The following COL28A1 variants were observed in gnomAD, a reference collection of about 807,000 sequenced individuals.
COL28A1 encodes collagen type XXVIII alpha 1 chain, also known as collagen alpha-1(XXVIII) chain.
Under a neutral mutation model 150.2 loss-of-function variants are expected in COL28A1, and 161 were observed. The observed-to-expected ratio is 1.07, with a 90% confidence interval of 0.94 to 1.22. The LOEUF (loss-of-function observed/expected upper bound fraction) is 1.22, where lower values mean the gene tolerates loss of function less well. Among genes scored for constraint, COL28A1 ranks in the 50% most tolerant of loss-of-function variants. The pLI is 0.00. For synonymous variants in COL28A1, 552 were observed against 469.7 expected (o/e 1.18, Z -2.26); for missense variants, 1,617 against 1,388.3 (o/e 1.16, Z -2.62).
intron 21 of COL28A1, 127 bp downstream of exon 21, chr7:7,440,663 G>A: frequency 3.8e-6 from 2 of 522,434 alleles, no homozygotes; most frequent in South Asian, 4.0e-5. Flanking sequence ...TCTTATTTTG[G>A]GGTATTTGTT....
Position 7,466,055 on chromosome 7 carries a change from C to G in COL28A1, c.1302+8546G>C, listed in dbSNP as rs551393943. 2.0e-4 allele frequency among the ~76,000 whole-genome samples: 27 copies of G among 132,186 alleles called. 2 individuals are homozygous for G. In the East Asian group the frequency reaches 5.6e-3, roughly 27 times the overall value. 86.7% of individuals were successfully genotyped at this position (132,186 alleles called of 152,430 possible). On this transcript the variant is annotated intron_variant, in intron 15 of 34. Transcript: ENST00000399429. ...CTCTAAAACGCAGAGCGCCTCTCCTCCTCCAAAGGAACGCAGTTCCTCACC... is the reference window on the plus strand; with the variant it reads ...CTCTAAAACGCAGAGCGCCTCTCCTGCTCCAAAGGAACGCAGTTCCTCACC...
chr7:7,356,706 G>C (rs1323883591), downstream of COL28A1: 2 of 149,140 alleles, frequency 1.3e-5, no homozygotes, highest in Non-Finnish European at 3.0e-5. Context: ...GGTGGCGGGG[G>C]AGTGGGGAGG....
At chr7:7,484,332 C>G (rs1353043935) in intron 13 of COL28A1, among the ~76,000 whole-genome samples, 1 of 151,996 alleles carries the variant, frequency 6.6e-6, no homozygotes, top group African/African-American at 2.4e-5. Flanking sequence ...ACTATTCTTA[C>G]AAAGCAAACT....
intron 15 of COL28A1, among the ~76,000 whole-genome samples, chr7:7,457,578 G>C (rs540809320): frequency 2.6e-5 from 4 of 152,248 alleles, no homozygotes; most frequent in Non-Finnish European, 5.9e-5. Context: ...AAATTTGGGA[G>C]CCCTCAGTAT....
At chr7:7,354,849 G>A (rs34847048), downstream of COL28A1, among the ~76,000 whole-genome samples, 176 of 152,254 alleles carry the variant, frequency 1.2e-3, no homozygotes, top group Non-Finnish European at 2.1e-3. Flanking sequence ...CGTTATTCAA[G>A]GTGGAGTCAC....
chr7:7,343,851 A>T, the COL28A1 span, among the ~76,000 whole-genome samples: 1 of 151,980 alleles, frequency 6.6e-6, no homozygotes, highest in Non-Finnish European at 1.5e-5. Flanking sequence ...CTACAAAAAA[A>T]TCAAAAATTA....
At chr7:7,345,991 A>AT in the COL28A1 span, among the ~76,000 whole-genome samples, 1 of 151,872 alleles carries the variant, frequency 6.6e-6, no homozygotes, top group Non-Finnish European at 1.5e-5. Context: ...TGCAGTCATT[A>AT]TTTTTTTGGT....
the COL28A1 span, among the ~76,000 whole-genome samples, chr7:7,338,386 G>A: frequency 4.0e-5 from 6 of 151,894 alleles, no homozygotes; most frequent in African/African-American, 9.7e-5. Context: ...CTGTTTTGTC[G>A]TTCTCCTTGT....
intron 18 of COL28A1, among the ~76,000 whole-genome samples, chr7:7,449,220 G>C (rs1786496144): frequency 6.6e-6 from 1 of 152,064 alleles, no homozygotes. Flanking sequence ...AATGAATTGA[G>C]TTTATCTCAA....
intron 27 of COL28A1, among the ~76,000 whole-genome samples, chr7:7,406,642 C>G (rs991155431): frequency 5.9e-5 from 9 of 152,092 alleles, no homozygotes; most frequent in South Asian, 2.1e-4. Flanking sequence ...GACATAATAT[C>G]GGAGCTAATA....
intron 25 of COL28A1, among the ~76,000 whole-genome samples, chr7:7,429,115 A>G (rs912920538): frequency 2.0e-5 from 3 of 152,204 alleles, no homozygotes; most frequent in South Asian, 2.1e-4. Context: ...TTCAAAACAC[A>G]TTTGTTTTGT....
At position 7,477,109 on chromosome 7, in the gene COL28A1, T is replaced by C. The variant is rs775053100; in HGVS notation, c.1233+3A>G. On this transcript the variant is annotated splice_donor_region_variant and intron_variant, in intron 14 of 34. Coordinates refer to ENST00000399429, the MANE Select transcript of COL28A1 (RefSeq NM_001037763.3). Reference sequence around the variant, plus strand: ...CTTTTCCTGGTACAGAAGGTATTGTTACCTTTGGTCCTGGAAATCCTTCTC... The same window carrying C: ...CTTTTCCTGGTACAGAAGGTATTGTCACCTTTGGTCCTGGAAATCCTTCTC... 2 of 1,132,118 alleles carry C rather than the reference T, an allele frequency of 1.8e-6. No homozygotes were observed. The highest frequency in any genetic ancestry group is 2.4e-5 in the South Asian group (2 of 81,676). 70.1% of individuals were successfully genotyped at this position (1,132,118 alleles called of 1,614,324 possible).
intron 27 of COL28A1, among the ~76,000 whole-genome samples, chr7:7,407,951 C>T (rs1358217020): frequency 6.6e-6 from 1 of 152,054 alleles, no homozygotes; most frequent in African/African-American, 2.4e-5. Context: ...TAATAAAAGA[C>T]TTTAAGGCCA....
At chr7:7,414,121 C>G (rs1005092392) in intron 27 of COL28A1, among the ~76,000 whole-genome samples, 1 of 152,196 alleles carries the variant, frequency 6.6e-6, no homozygotes, top group Non-Finnish European at 1.5e-5. Flanking sequence ...GCTTTTTAAC[C>G]TGGGTGGTGC....
Position 7,488,155 on chromosome 7 carries a change from A to G in COL28A1, c.1164+1234T>C, listed in dbSNP as rs180779208. Among the ~76,000 whole-genome samples, 7 of 152,362 alleles carry G rather than the reference A, an allele frequency of 4.6e-5. No individual in the cohort carries two copies. In the East Asian group the frequency reaches 1.4e-3, roughly 29 times the overall value. ...AGTCCTGAGGAAGTTTGTTAAGCAG[A>G]AACACAAAACCAAAATAGAGACCAA... On this transcript the variant is annotated intron_variant, in intron 13 of 34. Transcript: ENST00000399429.
Position 7,358,549 on chromosome 7 carries a change from A to G in COL28A1, c.*84T>C, listed in dbSNP as rs1780452183. The G allele has an allele frequency of 7.8e-6, 10 of 1,273,920 alleles. No homozygotes were observed. The highest frequency in any genetic ancestry group is 1.1e-5 in the Non-Finnish European group (10 of 891,548). 78.9% of individuals were successfully genotyped at this position (1,273,920 alleles called of 1,614,324 possible). On this transcript the variant is annotated 3_prime_UTR_variant, in exon 35 of 35. Coordinates refer to ENST00000399429, the MANE Select transcript of COL28A1 (RefSeq NM_001037763.3). ...GTTGTAAATACTCAGTATACACTCA[A>G]ATATAGTGCTGTATTTGTATTGGGT...
chr7:7,435,088 G>T (rs1209665872), intron 23 of COL28A1, among the ~76,000 whole-genome samples: 1 of 152,176 alleles, frequency 6.6e-6, no homozygotes, highest in Admixed American at 6.5e-5. Flanking sequence ...AAATGATTGA[G>T]TGAAGAGGCA....
At chr7:7,458,844 C>T (rs1057182016) in intron 15 of COL28A1, among the ~76,000 whole-genome samples, 1 of 152,206 alleles carries the variant, frequency 6.6e-6, no homozygotes, top group Non-Finnish European at 1.5e-5. Context: ...CAACTCATAG[C>T]CACTAGTTTG....
At chr7:7,405,976 T>A (rs1057403816) in intron 27 of COL28A1, among the ~76,000 whole-genome samples, 2 of 152,120 alleles carry the variant, frequency 1.3e-5, no homozygotes, top group African/African-American at 4.8e-5. Flanking sequence ...ACAGACACAA[T>A]ACCCTTAGCT....
Sources: gnomAD v4.1 joint callset for allele counts (sites outside exome capture counted in the v4.1 genomes callset) on GRCh38, gnomAD v4.1.1 for gene constraint, MANE v1.5 for transcripts, NCBI Gene and HGNC (gene_info 2026-07-23, HGNC 2026-07-21) for gene names.